SMURF1: variants seen among roughly 807,000 people sequenced by gnomAD.
The protein encoded by SMURF1 is SMAD specific E3 ubiquitin protein ligase 1, also known as E3 ubiquitin-protein ligase SMURF1.
SMURF1 carries 44 observed loss-of-function variants against 98.0 expected under a neutral mutation model. The observed-to-expected ratio is 0.45, with a 90% CI of 0.35 to 0.58. SMURF1 has a LOEUF of 0.58. SMURF1 is among the 20% of genes least tolerant of loss of function. The pLI, the probability that SMURF1 is intolerant of heterozygous loss-of-function variation, is 0.00. For synonymous variants in SMURF1, 396 were observed against 374.9 expected (o/e 1.06, Z -0.65); for missense variants, 687 against 938.4 (o/e 0.73, Z 3.50).
At chr7:99,073,470 A>C (rs959634368) in intron 1 of SMURF1, among the ~76,000 whole-genome samples, 8 of 151,186 alleles carry the variant, frequency 5.3e-5, no homozygotes, top group African/African-American at 1.9e-4. Flanking sequence ...AAAACTTAAA[A>C]AAAAAAAAAA....
At chr7:99,086,356 AAAAG>A (rs889249633) in intron 1 of SMURF1, among the ~76,000 whole-genome samples, 3 of 151,768 alleles carry the variant, frequency 2.0e-5, no homozygotes, top group Admixed American at 6.6e-5. Flanking sequence ...AAAGGAAAAA[AAAAG>A]AAAGAAAGAA....
chr7:99,075,009 A>G (rs1256966826), intron 1 of SMURF1, among the ~76,000 whole-genome samples: 1 of 152,208 alleles, frequency 6.6e-6, no homozygotes, highest in Non-Finnish European at 1.5e-5. Flanking sequence ...GTACCACCAC[A>G]TACCTACTAG....
intron 1 of SMURF1, among the ~76,000 whole-genome samples, chr7:99,102,332 A>G (rs1797101841): frequency 6.6e-6 from 1 of 152,240 alleles, no homozygotes; most frequent in Admixed American, 6.5e-5. Context: ...AATAGTTAAA[A>G]TGGTTAAAAT....
At chr7:99,037,782 G>A (rs1007913524) in intron 14 of SMURF1, among the ~76,000 whole-genome samples, 5 of 152,228 alleles carry the variant, frequency 3.3e-5, no homozygotes, top group East Asian at 1.9e-4. Context: ...CAGGCATGGC[G>A]GCTCACGCCT....
intron 1 of SMURF1, among the ~76,000 whole-genome samples, chr7:99,134,458 T>C (rs576504051): frequency 1.3e-5 from 2 of 152,258 alleles, no homozygotes; most frequent in East Asian, 3.9e-4. Flanking sequence ...CTATAATTTG[T>C]AGGTAATATA....
At chr7:99,135,346 TCTCTC>T (rs1797965464) in intron 1 of SMURF1, among the ~76,000 whole-genome samples, 1 of 151,990 alleles carries the variant, frequency 6.6e-6, no homozygotes, top group Non-Finnish European at 1.5e-5. Flanking sequence ...CCTCTCTCCC[TCTCTC>T]CTCTCTCTTT....
At chr7:99,109,522 G>A (rs1049555446) in intron 1 of SMURF1, among the ~76,000 whole-genome samples, 1 of 152,158 alleles carries the variant, frequency 6.6e-6, no homozygotes, top group Admixed American at 6.5e-5. Context: ...AGCCCCACAG[G>A]AGCCCTGCAC....
intron 1 of SMURF1, among the ~76,000 whole-genome samples, chr7:99,101,843 G>A (rs558381711): frequency 1.3e-5 from 2 of 151,918 alleles, no homozygotes; most frequent in African/African-American, 2.4e-5. Context: ...GCTGAGGCAG[G>A]AGAATCATTT....
intron 1 of SMURF1, among the ~76,000 whole-genome samples, chr7:99,121,582 C>T (rs1201605993): frequency 3.9e-5 from 6 of 152,146 alleles, no homozygotes; most frequent in African/African-American, 1.2e-4. Context: ...GGAAACACTC[C>T]CAGATCCTTC....
chr7:99,125,714 C>T (rs577216670), intron 1 of SMURF1, among the ~76,000 whole-genome samples: 1 of 152,360 alleles, frequency 6.6e-6, no homozygotes, highest in South Asian at 2.1e-4. Context: ...CCACTTGCCT[C>T]CAGCACCTGG....
chr7:99,039,970 A>G (rs1459199770), intron 13 of SMURF1, among the ~76,000 whole-genome samples: 1 of 152,172 alleles, frequency 6.6e-6, no homozygotes, highest in African/African-American at 2.4e-5. Context: ...TGAGTGTCTC[A>G]CACACACCCC....
intron 7 of SMURF1, 70 bp from the exon 8 acceptor site, chr7:99,051,511 T>G (rs1795751812): frequency 7.8e-6 from 9 of 1,158,346 alleles, no homozygotes; most frequent in African/African-American, 1.5e-5. Context: ...CAACCCTCGA[T>G]GCCCTCACGT....
intron 1 of SMURF1, among the ~76,000 whole-genome samples, chr7:99,141,056 C>G (rs1798109579): frequency 6.6e-6 from 1 of 152,200 alleles, no homozygotes; most frequent in Non-Finnish European, 1.5e-5. Context: ...TGATCACACT[C>G]ACAAATCCTC....
intron 13 of SMURF1, 31 bp downstream of exon 13, chr7:99,040,347 G>A: frequency 7.0e-7 from 1 of 1,438,738 alleles, no homozygotes; most frequent in South Asian, 1.6e-5. Flanking sequence ...TGGGCCCTAA[G>A]CCAGGTGACC....
At chr7:99,039,825 G>A (rs1046698278) in intron 13 of SMURF1, among the ~76,000 whole-genome samples, 1 of 152,210 alleles carries the variant, frequency 6.6e-6, no homozygotes, top group African/African-American at 2.4e-5. Flanking sequence ...AAGGACCCGT[G>A]ATAGTCACGG....
intron 1 of SMURF1, among the ~76,000 whole-genome samples, chr7:99,142,922 GAGA>G (rs1269599325): frequency 2.1e-5 from 3 of 143,414 alleles, no homozygotes; most frequent in East Asian, 2.1e-4. Context: ...GGGAAGCGAG[GAGA>G]AGGAGGGAGG....
chr7:99,053,488 A>G (rs1033252448), intron 6 of SMURF1, among the ~76,000 whole-genome samples: 4 of 152,200 alleles, frequency 2.6e-5, no homozygotes, highest in Non-Finnish European at 5.9e-5. Flanking sequence ...TGTCTCATAA[A>G]TCAGGATCCA....
intron 1 of SMURF1, among the ~76,000 whole-genome samples, chr7:99,077,083 A>T (rs866626727): frequency 1.3e-5 from 2 of 151,912 alleles, no homozygotes; most frequent in Non-Finnish European, 2.9e-5. Flanking sequence ...TGTATTTAAG[A>T]GTCTGGAATG....
At chr7:99,101,817 G>A (rs1223431730) in intron 1 of SMURF1, among the ~76,000 whole-genome samples, 5 of 152,020 alleles carry the variant, frequency 3.3e-5, no homozygotes, top group Admixed American at 1.3e-4. Context: ...GTGTGCGCCT[G>A]TAAGCTATTG....
Sources: allele counts gnomAD v4.1 joint callset (sites outside exome capture counted in the v4.1 genomes callset), GRCh38; gene constraint gnomAD v4.1.1; transcripts MANE v1.5; gene names NCBI Gene and HGNC (gene_info 2026-07-23, HGNC 2026-07-21).